CTNNA3: variants seen among roughly 807,000 people sequenced by gnomAD.
CTNNA3 encodes catenin alpha-3.
Under a neutral mutation model 95.7 loss-of-function variants are expected in CTNNA3, and 76 were observed. That is an observed-to-expected ratio of 0.79 (90% confidence interval 0.66 to 0.96). The LOEUF is 0.96. CTNNA3 is among the 40% of genes least tolerant of loss of function. The pLI is 0.00. For missense variants in CTNNA3, 1,191 were observed against 1,089.8 expected, an observed-to-expected ratio of 1.09 and a Z score of -1.31; for synonymous variants, 431 against 374.4, an observed-to-expected ratio of 1.15 and a Z score of -1.74.
chr10:66,227,070 G>A (rs1170260631), intron 13 of CTNNA3, among the ~76,000 whole-genome samples: 1 of 152,006 alleles, frequency 6.6e-6, no homozygotes, highest in Non-Finnish European at 1.5e-5. Flanking sequence ...TCACTGTGTA[G>A]CCCAGGCTGG....
At chr10:66,885,328 G>A (rs1165611484) in intron 7 of CTNNA3, among the ~76,000 whole-genome samples, 1 of 151,974 alleles carries the variant, frequency 6.6e-6, no homozygotes, top group African/African-American at 2.4e-5. Flanking sequence ...TTATTAATAT[G>A]GACTGTATTA....
intron 7 of CTNNA3, among the ~76,000 whole-genome samples, chr10:66,997,176 C>G (rs1317062618): frequency 6.6e-6 from 1 of 152,230 alleles, no homozygotes; most frequent in East Asian, 1.9e-4. Context: ...CAAAACAACC[C>G]TTTGTATTAT....
chr10:66,700,759 A>T (rs1847917478), intron 9 of CTNNA3, among the ~76,000 whole-genome samples: 1 of 152,156 alleles, frequency 6.6e-6, no homozygotes, highest in African/African-American at 2.4e-5. Context: ...GCAGTTTTGC[A>T]CCTTGCAAAA....
chr10:67,422,681 ACT>A (rs1179772084), intron 5 of CTNNA3, among the ~76,000 whole-genome samples: 9 of 151,400 alleles, frequency 5.9e-5, no homozygotes, highest in African/African-American at 1.9e-4. Context: ...ATTCTCATTC[ACT>A]CTCTCTTTCT....
intron 5 of CTNNA3, among the ~76,000 whole-genome samples, chr10:67,347,836 A>AAG: frequency 6.6e-6 from 1 of 150,932 alleles, no homozygotes; most frequent in East Asian, 1.9e-4. Context: ...TTTCCTGAAA[A>AAG]AAAAAAAAAA....
chr10:67,128,151 T>A (rs1859814029), intron 7 of CTNNA3, among the ~76,000 whole-genome samples: 1 of 152,162 alleles, frequency 6.6e-6, no homozygotes, highest in African/African-American at 2.4e-5. Flanking sequence ...ATGTGTCAAC[T>A]TGACTGGCCA....
rs560725932 is a variant in CTNNA3, at chr10:66,033,430, C to T, written c.2159+35878G>A. Among the ~76,000 whole-genome samples, 31 of 152,116 alleles carry T rather than the reference C, an allele frequency of 2.0e-4. No homozygotes were observed. In the South Asian group the frequency reaches 2.7e-3, roughly 13 times the overall value. On this transcript the variant is annotated intron_variant, in intron 15 of 17. Coordinates refer to ENST00000433211, the MANE Select transcript of CTNNA3 (RefSeq NM_013266.4). ...GATTACAGGCGTGAGCCACTGTGCC[C>T]GGCATAATTGTTTGTTTAATCTGGA...
At position 65,918,115 on chromosome 10, in the gene CTNNA3, T is replaced by C. The variant is rs1439554085; in HGVS notation, c.*2215A>G. ...GAGGAGAACTTGTTCACATCTCACT[T>C]TGGGTAAAAAGTCATTTTTATCAAA... On this transcript the variant is annotated 3_prime_UTR_variant, in exon 18 of 18. Coordinates refer to ENST00000433211, the MANE Select transcript of CTNNA3 (RefSeq NM_013266.4). 1 of 152,172 alleles carries C rather than the reference T, an allele frequency of 6.6e-6. No homozygotes were observed. The highest frequency in any genetic ancestry group is 1.5e-5 in the Non-Finnish European group (1 of 68,030). 9.4% of individuals were successfully genotyped at this position (152,172 alleles called of 1,614,324 possible). A position where few individuals can be genotyped will look rare whatever the true frequency, so the allele number is the denominator to read the frequency against.
chr10:66,170,851 G>C (rs994003921), intron 13 of CTNNA3, among the ~76,000 whole-genome samples: 19 of 152,082 alleles, frequency 1.2e-4, no homozygotes, highest in Non-Finnish European at 4.4e-5. Flanking sequence ...ATCTAACAAG[G>C]GGCTGGGCAC....
chr10:66,931,691 A>G (rs1005104363), intron 7 of CTNNA3, among the ~76,000 whole-genome samples: 2 of 152,174 alleles, frequency 1.3e-5, no homozygotes, highest in Non-Finnish European at 2.9e-5. Flanking sequence ...TCCTTGGGAA[A>G]TATAATTATA....
chr10:66,915,292 C>T (rs775897427), intron 7 of CTNNA3, among the ~76,000 whole-genome samples: 1 of 150,864 alleles, frequency 6.6e-6, no homozygotes, highest in Non-Finnish European at 1.5e-5. Flanking sequence ...AGATCATACA[C>T]AAAGAAATAA....
At chr10:66,272,867 G>A (rs1003581996) in intron 13 of CTNNA3, among the ~76,000 whole-genome samples, 5 of 152,074 alleles carry the variant, frequency 3.3e-5, no homozygotes, top group Admixed American at 6.6e-5. Context: ...CAGAAACCTC[G>A]GATAGTAATG....
At chr10:65,955,295 G>A (rs1457598740) in intron 17 of CTNNA3, among the ~76,000 whole-genome samples, 4 of 152,110 alleles carry the variant, frequency 2.6e-5, no homozygotes, top group Non-Finnish European at 5.9e-5. Flanking sequence ...GGGTTGAGAC[G>A]ATGGGGTTTT....
At chr10:67,424,760 G>A (rs1051596730) in intron 5 of CTNNA3, among the ~76,000 whole-genome samples, 2 of 151,698 alleles carry the variant, frequency 1.3e-5, no homozygotes, top group South Asian at 2.1e-4. Context: ...TATGCTCATC[G>A]ACTAAATTGT....
At chr10:66,049,145 T>G (rs2079896285) in intron 15 of CTNNA3, among the ~76,000 whole-genome samples, 1 of 152,132 alleles carries the variant, frequency 6.6e-6, no homozygotes, top group Non-Finnish European at 1.5e-5. Flanking sequence ...CAGACACTTC[T>G]CAAAAGAAGA....
chr10:66,553,189 T>G (rs1050358335), intron 10 of CTNNA3, among the ~76,000 whole-genome samples: 1 of 152,114 alleles, frequency 6.6e-6, no homozygotes. Flanking sequence ...AAATATAGTT[T>G]TTAAGTAGTA....
chr10:67,691,523 G>T (rs1465523484), intron 1 of CTNNA3, among the ~76,000 whole-genome samples: 1 of 151,704 alleles, frequency 6.6e-6, no homozygotes, highest in Non-Finnish European at 1.5e-5. Context: ...TCTGAGATGT[G>T]GGGAGCACCT....
chr10:66,986,786 A>C (rs1850751844), intron 7 of CTNNA3, among the ~76,000 whole-genome samples: 1 of 152,180 alleles, frequency 6.6e-6, no homozygotes, highest in African/African-American at 2.4e-5. Context: ...CAGTTAAATA[A>C]CACATATGAT....
intron 5 of CTNNA3, among the ~76,000 whole-genome samples, chr10:67,243,401 T>A (rs1005387165): frequency 6.6e-6 from 1 of 152,102 alleles, no homozygotes; most frequent in African/African-American, 2.4e-5. Context: ...ATTAAGGAAG[T>A]GCACGTGAAC....
Sources: gnomAD v4.1 joint callset for allele counts (sites outside exome capture counted in the v4.1 genomes callset) on GRCh38, gnomAD v4.1.1 for gene constraint, MANE v1.5 for transcripts, NCBI Gene and HGNC (gene_info 2026-07-23, HGNC 2026-07-21) for gene names.